The following SEM1 variants were observed in gnomAD, a reference collection of about 807,000 sequenced individuals.
SEM1 encodes 26S proteasome complex subunit SEM1.
SEM1 carries 3 observed loss-of-function variants against 12.7 expected under a neutral mutation model. That is an observed-to-expected ratio of 0.24 (90% CI 0.11 to 0.61). The LOEUF (loss-of-function observed/expected upper bound fraction) is 0.61. Ranked by LOEUF, SEM1 falls within the 20% of genes least tolerant of loss-of-function variation. The pLI is 0.88. For synonymous variants in SEM1, 30 were observed against 27.8 expected (o/e 1.08, Z -0.25); for missense variants, 59 against 81.3 (o/e 0.73, Z 1.06).
At chr7:96,708,318 GGTTA>G (rs1179447892) in intron 1 of SEM1, 1 of 152,104 alleles carries the variant, frequency 6.6e-6, no homozygotes, top group African/African-American at 2.4e-5. Context: ...ATGTGCTTTG[GGTTA>G]GTTTACCAGT....
intron 2 of SEM1, among the ~76,000 whole-genome samples, chr7:96,682,165 C>T (rs1789633534): frequency 6.6e-6 from 1 of 151,984 alleles, no homozygotes. Flanking sequence ...TGGGTGTTCA[C>T]TCATGATTTC....
chr7:96,707,984 TTTTG>T (rs746096507), intron 1 of SEM1, among the ~76,000 whole-genome samples: 66 of 152,312 alleles, frequency 4.3e-4, no homozygotes, highest in Non-Finnish European at 6.3e-4. Context: ...TAATGGCAAG[TTTTG>T]TTTGTTTGTT....
At chr7:96,650,468 A>T (rs1166701279) in intron 2 of SEM1, 1 of 752,814 alleles carries the variant, frequency 1.3e-6, no homozygotes. Flanking sequence ...GTACCAAGCC[A>T]CTGCAGGAGA....
chr7:96,709,448 C>CG, intron 1 of SEM1, among the ~76,000 whole-genome samples: 2 of 152,316 alleles, frequency 1.3e-5, no homozygotes, highest in South Asian at 4.1e-4. Context: ...TCCAGACTCA[C>CG]GGTGGCTCCT....
At chr7:96,586,748 C>T (rs1806650252) in intron 2 of SEM1, among the ~76,000 whole-genome samples, 1 of 152,160 alleles carries the variant, frequency 6.6e-6, no homozygotes. Context: ...GGAAATATCT[C>T]ATCTGATACC....
In SEM1 at chr7:96,709,753, T is replaced by C. The variant is rs1790592912; in HGVS notation, c.11A>G (p.Lys4Arg). Reference protein sequence around the residue: MSEKKQPVDLGLLE... With the variant: MSERKQPVDLGLLE... ...CAGACCTAAGTCTACCGGCTGCTTT[T>C]TCTCTGACATCTCGACTGTCCGCGC... The change falls in exon 1 of 3, where the codon AAA becomes AGA. Residue 4 changes from lysine (K) to arginine (R), a missense_variant. Transcript: ENST00000248566. 6.2e-6 allele frequency: 10 copies of C among 1,613,904 alleles called. No homozygotes were observed. The highest frequency in any genetic ancestry group is 8.5e-6 in the Non-Finnish European group (10 of 1,179,954).
intron 2 of SEM1, among the ~76,000 whole-genome samples, chr7:96,579,145 T>C (rs1806301420): frequency 6.6e-6 from 1 of 152,338 alleles, no homozygotes; most frequent in South Asian, 2.1e-4. Flanking sequence ...ACTACCATGA[T>C]GAGATTCCAA....
chr7:96,600,773 GT>G (rs1807174523), intron 2 of SEM1, among the ~76,000 whole-genome samples: 2 of 152,178 alleles, frequency 1.3e-5, no homozygotes, highest in Admixed American at 6.5e-5. Context: ...AAGTATTACA[GT>G]GGGCACATTG....
At chr7:96,515,576 C>T (rs1183849079) in intron 2 of SEM1, among the ~76,000 whole-genome samples, 1 of 152,162 alleles carries the variant, frequency 6.6e-6, no homozygotes, top group Non-Finnish European at 1.5e-5. Context: ...CACATTCACA[C>T]ATATGTTTAT....
intron 2 of SEM1, among the ~76,000 whole-genome samples, chr7:96,585,121 G>C (rs940305521): frequency 3.5e-4 from 54 of 152,298 alleles, no homozygotes; most frequent in Non-Finnish European, 6.0e-4. Flanking sequence ...GGTCTTTGAT[G>C]ATGGTGATGT....
downstream of SEM1, among the ~76,000 whole-genome samples, chr7:96,686,061 C>T (rs1789752751): frequency 6.6e-6 from 1 of 152,170 alleles, no homozygotes; most frequent in South Asian, 2.1e-4. Flanking sequence ...CTGTTGCAAT[C>T]CTGGGCCCTT....
intron 1 of SEM1, among the ~76,000 whole-genome samples, chr7:96,491,484 C>T (rs1803005291): frequency 6.6e-6 from 1 of 152,190 alleles, no homozygotes; most frequent in Admixed American, 6.5e-5. Flanking sequence ...AGTTTTCTCA[C>T]ATCTTACTAG....
chr7:96,684,208 T>C (rs1789697660), downstream of SEM1, among the ~76,000 whole-genome samples: 1 of 152,104 alleles, frequency 6.6e-6, no homozygotes, highest in African/African-American at 2.4e-5. Flanking sequence ...TATTTATATT[T>C]GGAGGGAAAG....
At chr7:96,622,998 T>C (rs1283163527) in intron 2 of SEM1, 1 of 227,214 alleles carries the variant, frequency 4.4e-6, no homozygotes, top group Non-Finnish European at 8.7e-6. Context: ...CATTTCCAGG[T>C]ATGTCTATGA....
chr7:96,592,999 TAA>T lies in SEM1; in HGVS notation c.171-86303_171-86302del, dbSNP rs1554421689. Among the ~76,000 whole-genome samples the T allele has an allele frequency of 4.8e-3, 610 of 128,016 alleles. 6 individuals are homozygous for T. Among genetic ancestry groups the T allele is most frequent in the African/African-American group, 0.016 (542 of 33,070 alleles). The allele number at this position is 128,016 out of a possible 152,430, so 84.0% of individuals were successfully genotyped here. A position where few individuals can be genotyped will look rare whatever the true frequency, so the allele number is the denominator to read the frequency against. On this transcript the variant is annotated intron_variant and NMD_transcript_variant, in intron 2 of 3. Coordinates refer to the SEM1 transcript ENST00000466986. ...CCTCTCTGCTGTAATTCTCCCATAT[TAA>T]AAAAAAAAAAAAAAAAAAAGGCACA...
intron 2 of SEM1, among the ~76,000 whole-genome samples, chr7:96,538,687 T>C (rs1804861362): frequency 6.6e-6 from 1 of 151,768 alleles, no homozygotes. Flanking sequence ...TATACTCCCA[T>C]TGTTTAGGCA....
At chr7:96,589,372 C>T (rs554759214) in intron 2 of SEM1, among the ~76,000 whole-genome samples, 1 of 152,286 alleles carries the variant, frequency 6.6e-6, no homozygotes, top group South Asian at 2.1e-4. Flanking sequence ...AGGCTGTGCT[C>T]TTCGGTCACT....
chr7:96,585,750 C>T (rs1427054596), intron 2 of SEM1, among the ~76,000 whole-genome samples: 1 of 152,196 alleles, frequency 6.6e-6, no homozygotes, highest in Admixed American at 6.5e-5. Context: ...TCTGTCACCC[C>T]TTTCTTTGAC....
downstream of SEM1, among the ~76,000 whole-genome samples, chr7:96,619,322 A>T (rs754506611): frequency 7.9e-5 from 12 of 152,168 alleles, no homozygotes; most frequent in Non-Finnish European, 1.6e-4. Flanking sequence ...TTTGGGTGCC[A>T]GCAGTAGTGT....
Sources: gnomAD v4.1 joint callset for allele counts (sites outside exome capture counted in the v4.1 genomes callset) on GRCh38, gnomAD v4.1.1 for gene constraint, MANE v1.5 for transcripts, NCBI Gene and HGNC (gene_info 2026-07-23, HGNC 2026-07-21) for gene names.